Variants in WAC observed in about 807,000 individuals in gnomAD.
The protein encoded by WAC is WW domain-containing adapter protein with coiled-coil.
In WAC, 11 loss-of-function variants were observed where a neutral mutation model predicts 79.6. That is an observed-to-expected ratio of 0.14 (90% CI 0.09 to 0.23). WAC has a LOEUF of 0.23. WAC is among the 10% of genes least tolerant of loss of function. The pLI is 1.00. For synonymous variants in WAC, 304 were observed against 276.9 expected, an observed-to-expected ratio of 1.10 and a Z score of -0.97; for missense variants, 728 against 773.5, an observed-to-expected ratio of 0.94 and a Z score of 0.70.
At chr10:28,553,900 G>C (rs1837841073) in intron 3 of WAC, among the ~76,000 whole-genome samples, 1 of 152,072 alleles carries the variant, frequency 6.6e-6, no homozygotes. Flanking sequence ...GCAGAGTCTT[G>C]CTCTGTTAAC....
intron 7 of WAC, among the ~76,000 whole-genome samples, chr10:28,607,458 A>C (rs1841014901): frequency 6.6e-6 from 1 of 152,178 alleles, no homozygotes; most frequent in East Asian, 1.9e-4. Context: ...TAAATAATTG[A>C]AACAACAGCT....
chr10:28,610,564 C>A, intron 8 of WAC, 135 bp from the exon 9 acceptor site: 1 of 867,738 alleles, frequency 1.2e-6, no homozygotes, highest in Non-Finnish European at 1.6e-6. Flanking sequence ...TTACTCCTAT[C>A]TAGTAGGCTT....
intron 3 of WAC, among the ~76,000 whole-genome samples, chr10:28,556,410 T>TTTTTTTTC: frequency 6.8e-6 from 1 of 147,004 alleles, no homozygotes; most frequent in East Asian, 2.0e-4. Context: ...TTTTTTTTTT[T>TTTTTTTTC]TTTTTGCCAT....
intron 3 of WAC, among the ~76,000 whole-genome samples, chr10:28,581,977 A>ATT (rs1435101394): frequency 6.6e-6 from 1 of 152,222 alleles, no homozygotes; most frequent in Non-Finnish European, 1.5e-5. Flanking sequence ...TGAAATCAAA[A>ATT]TAAGTAGAAG....
At chr10:28,538,301 A>G in intron 3 of WAC, 1 of 332,144 alleles carries the variant, frequency 3.0e-6, no homozygotes, top group South Asian at 2.2e-5. Context: ...AAATGAATTC[A>G]GGCCGGGTCA....
In WAC at chr10:28,603,933, CAA is replaced by C. The variant is rs1312613029; in HGVS notation, c.920-4244_920-4243del. ...TGGGTGACAGAGCAAGACTCCGTCT[CAA>C]AAAAAAAATATATATATGTATGTAT... On this transcript the variant is annotated intron_variant, in intron 7 of 13. Transcript: ENST00000354911. 3.3e-4 allele frequency among the ~76,000 whole-genome samples: 6 copies of C among 17,986 alleles called. 1 individual carries two copies. The highest frequency in any genetic ancestry group is 1.5e-3 in the African/African-American group (6 of 3,980). 11.8% of individuals were successfully genotyped at this position (17,986 alleles called of 152,430 possible).
chr10:28,578,839 T>A (rs1007501445), intron 3 of WAC, among the ~76,000 whole-genome samples: 1 of 152,104 alleles, frequency 6.6e-6, no homozygotes, highest in Non-Finnish European at 1.5e-5. Context: ...AAAATGTCAT[T>A]CTCTTGTACC....
intron 3 of WAC, among the ~76,000 whole-genome samples, chr10:28,545,347 GT>G (rs1439677777): frequency 2.0e-5 from 3 of 152,094 alleles, no homozygotes; most frequent in Non-Finnish European, 4.4e-5. Context: ...ATTAGGCATG[GT>G]GCATACCTGT....
chr10:28,545,136 C>G (rs1397103310), intron 3 of WAC, among the ~76,000 whole-genome samples: 2 of 151,656 alleles, frequency 1.3e-5, no homozygotes, highest in African/African-American at 4.8e-5. Context: ...TTTAAAGTTA[C>G]AGCTTCCTTG....
intron 3 of WAC, among the ~76,000 whole-genome samples, chr10:28,563,439 A>T (rs1003410991): frequency 6.6e-6 from 1 of 152,170 alleles, no homozygotes; most frequent in African/African-American, 2.4e-5. Flanking sequence ...TTGTAACAGT[A>T]ATCAGTTAAG....
At chr10:28,587,587 A>C (rs571601087) in intron 4 of WAC, among the ~76,000 whole-genome samples, 1 of 152,364 alleles carries the variant, frequency 6.6e-6, no homozygotes, top group South Asian at 2.1e-4. Context: ...CCTTTCGTTT[A>C]AGTCCTCAAT....
intron 3 of WAC, among the ~76,000 whole-genome samples, chr10:28,536,380 G>C (rs2132312842): frequency 6.6e-6 from 1 of 152,218 alleles, no homozygotes; most frequent in East Asian, 1.9e-4. Context: ...ACCTTTTAAA[G>C]ATTTCAGTTT....
At position 28,534,043 on chromosome 10, in the gene WAC, C is replaced by T; in HGVS notation, c.78+9C>T. The T allele has an allele frequency of 6.3e-7, 1 of 1,576,724 alleles. No homozygotes were observed. The highest frequency in any genetic ancestry group is 1.8e-5 in the Admixed American group (1 of 55,004). On this transcript the variant is annotated intron_variant, in intron 2 of 13. Coordinates refer to ENST00000354911, the MANE Select transcript of WAC (RefSeq NM_016628.5). ...ACTCGCAGCCTTACCAGGTACCAGC[C>T]GAGGCCGGGGTGGAGGGATTGGAAG...
chr10:28,538,305 C>T (rs967377307), intron 3 of WAC: 12 of 331,202 alleles, frequency 3.6e-5, no homozygotes, highest in East Asian at 2.3e-4. Context: ...GAATTCAGGC[C>T]GGGTCAGTGG....
intron 3 of WAC, among the ~76,000 whole-genome samples, chr10:28,560,111 A>G (rs231202): frequency 0.84 from 127,340 of 152,176 alleles, 53,398 homozygotes; most frequent in East Asian, 0.94. Flanking sequence ...GGAGGCTGAC[A>G]TGGGAGGATT....
chr10:28,598,775 A>G (rs1454376669), intron 7 of WAC, among the ~76,000 whole-genome samples: 1 of 152,202 alleles, frequency 6.6e-6, no homozygotes, highest in African/African-American at 2.4e-5. Context: ...CGTAATGTAA[A>G]ATTTCTGACA....
intron 13 of WAC, among the ~76,000 whole-genome samples, chr10:28,618,938 TA>T (rs964631276): frequency 6.6e-6 from 1 of 152,236 alleles, no homozygotes; most frequent in Non-Finnish European, 1.5e-5. Flanking sequence ...ATACGGTTTA[TA>T]AAGTAATACA....
intron 3 of WAC, among the ~76,000 whole-genome samples, chr10:28,569,275 C>T (rs1248234903): frequency 6.6e-6 from 1 of 152,072 alleles, no homozygotes; most frequent in Non-Finnish European, 1.5e-5. Flanking sequence ...ATGAGAATTT[C>T]GTTCTTGTGC....
chr10:28,547,915 C>CTTTTTTTTTTT (rs11408560), intron 3 of WAC, among the ~76,000 whole-genome samples: 5 of 132,324 alleles, frequency 3.8e-5, no homozygotes, highest in Non-Finnish European at 3.2e-5. Context: ...TTCTCTTTTT[C>CTTTTTTTTTTT]TTTTTTTTTT....
Sources: gnomAD v4.1 joint callset for allele counts (sites outside exome capture counted in the v4.1 genomes callset) on GRCh38, gnomAD v4.1.1 for gene constraint, MANE v1.5 for transcripts, NCBI Gene and HGNC (gene_info 2026-07-23, HGNC 2026-07-21) for gene names.